The following CNDP2 variants were observed in gnomAD, a reference collection of about 807,000 sequenced individuals.
CNDP2 encodes cytosolic non-specific dipeptidase.
Under a neutral mutation model 55.0 loss-of-function variants are expected in CNDP2, and 38 were observed. The ratio of observed to expected loss-of-function variants is 0.69; its 90% CI spans 0.53 to 0.90. The LOEUF (loss-of-function observed/expected upper bound fraction) is 0.90, where lower values mean the gene tolerates loss of function less well. Ranked by LOEUF, CNDP2 falls within the 40% of genes least tolerant of loss-of-function variation. CNDP2 has a pLI of 0.00. For missense variants in CNDP2, 607 were observed against 621.7 expected, an observed-to-expected ratio of 0.98 and a Z score of 0.25; for synonymous variants, 241 against 260.2, an observed-to-expected ratio of 0.93 and a Z score of 0.71.
At chr18:74,510,388 G>C (rs1979274177) in intron 5 of CNDP2, among the ~76,000 whole-genome samples, 1 of 152,336 alleles carries the variant, frequency 6.6e-6, no homozygotes, top group Non-Finnish European at 1.5e-5. Context: ...ACGGCAAGGT[G>C]GGCACATTCC....
chr18:74,499,802 C>T (rs761213230), intron 1 of CNDP2, 80 bp from the exon 2 acceptor site: 50 of 494,298 alleles, frequency 1.0e-4, no homozygotes, highest in Non-Finnish European at 1.7e-4. Context: ...CTTCCTGGAG[C>T]GTCTCTGGCT....
chr18:74,518,879 G>A (rs1979880550), intron 10 of CNDP2, 70 bp from the exon 11 acceptor site: 1 of 1,597,104 alleles, frequency 6.3e-7, no homozygotes, highest in Non-Finnish European at 8.6e-7. Context: ...CTACTGAGTA[G>A]TGGTCTGAGA....
chr18:74,515,003 C>T (rs1405882659), intron 8 of CNDP2, among the ~76,000 whole-genome samples: 2 of 152,166 alleles, frequency 1.3e-5, no homozygotes, highest in Non-Finnish European at 2.9e-5. Flanking sequence ...TGAGGCTCAT[C>T]AGGGTCCTGT....
At chr18:74,499,208 A>G (rs1978557289) in intron 1 of CNDP2, 1 of 152,170 alleles carries the variant, frequency 6.6e-6, no homozygotes. Context: ...CCAATTATAA[A>G]AGTCCCAATA....
rs1027506260 is a variant in CNDP2, at chr18:74,510,716, A to C, written c.457-97A>C. The stretch of plus-strand genomic sequence containing the variant: ...ACGGAGGCCCATGTGGTCTGTCTGG[A>C]GAATGCCGGAGATGTGAAATATGTA... On this transcript the variant is annotated intron_variant, in intron 5 of 11. Coordinates refer to ENST00000324262, the MANE Select transcript of CNDP2 (RefSeq NM_018235.3). 1.2e-5 allele frequency: 13 copies of C among 1,082,502 alleles called. No homozygotes were observed. In the South Asian group the frequency reaches 1.9e-4, roughly 16 times the overall value. 67.1% of individuals were successfully genotyped at this position (1,082,502 alleles called of 1,614,324 possible).
In CNDP2 at chr18:74,520,041, G is replaced by A. The variant is rs773688755; in HGVS notation, c.1401G>A (p.Leu467=). The change falls in exon 12 of 12, where the codon CTG becomes CTA. Residue 467 remains leucine, a synonymous_variant. Transcript: ENST00000324262. ...GAACCAAGATGCTGGCCGCGTACCT[G>A]TATGAGGTCTCCCAGCTGAAGGACT... ...IEGTKMLAAY[L]YEVSQLKD 2.2e-5 allele frequency: 36 copies of A among 1,614,060 alleles called. No homozygotes were observed. The highest frequency in any genetic ancestry group is 1.6e-4 in the Middle Eastern group (1 of 6,084).
rs146492497 is a variant in CNDP2 at position 74,513,625 on chromosome 18, C to T, written c.809C>T (p.Thr270Met). 57 of 1,614,068 alleles carry T rather than the reference C, an allele frequency of 3.5e-5. No individual in the cohort carries two copies. Among genetic ancestry groups the T allele is most frequent in the Middle Eastern group, 1.6e-4 (1 of 6,062 alleles). ...PGINEAVAAV[T>M]EEEHKLYDDI... ...ATTAACGAGGCCGTGGCCGCCGTCA[C>T]GGAAGAGGAGCACAAGCTGTACGAC... Residue 270 changes from threonine (T) to methionine (M), a missense_variant, in exon 8 of 12, where the codon ACG becomes ATG. Thr to Met is a moderately conservative substitution (Grantham distance 81). Coordinates refer to ENST00000324262, the MANE Select transcript of CNDP2 (RefSeq NM_018235.3).
At chr18:74,510,784 T>C in intron 5 of CNDP2, 29 bp from the exon 6 acceptor site, 1 of 1,589,660 alleles carries the variant, frequency 6.3e-7, no homozygotes, top group East Asian at 2.2e-5. Context: ...CAAAGCTGAA[T>C]ATCCACTCGT....
Position 74,518,545 on chromosome 18 carries a change from A to G in CNDP2, c.1115A>G (p.Asn372Ser), listed in dbSNP as rs761288637. ...TKKFAELRSP[N>S]EFKVYMGHGG... The stretch of plus-strand genomic sequence containing the variant: ...AAGTTTGCTGAACTACGCAGCCCCA[A>G]TGAGTTCAAGGTGTACATGGGCCAC... Residue 372 changes from asparagine to serine, a missense_variant, in exon 10 of 12, where the codon AAT (asparagine) becomes AGT (serine). Physicochemically the swap from Asn to Ser is conservative, Grantham distance 46. Coordinates refer to ENST00000324262, the MANE Select transcript of CNDP2 (RefSeq NM_018235.3). The G allele has an allele frequency of 4.0e-5, 65 of 1,614,052 alleles. No individual in the cohort carries two copies. The highest frequency in any genetic ancestry group is 1.3e-4 in the Admixed American group (8 of 60,006).
rs117577778 is a variant in CNDP2, at chr18:74,521,974, A to G, written c.*1906A>G. ...TCAGCACCCCCAACACCACTCCCTG[A>G]GGAGGACATGCCAGTTCTGGGAACA... On this transcript the variant is annotated 3_prime_UTR_variant, in exon 12 of 12. Coordinates refer to ENST00000324262, the MANE Select transcript of CNDP2 (RefSeq NM_018235.3). 8.7e-3 allele frequency: 1,330 copies of G among 152,410 alleles called. 26 individuals are homozygous for G. Among genetic ancestry groups the G allele is most frequent in the Non-Finnish European group, 7.5e-3 (513 of 68,060 alleles). The allele number at this position is 152,410 out of a possible 1,614,324, so 9.4% of individuals were successfully genotyped here.
chr18:74,504,624 A>G (rs960284954), intron 3 of CNDP2: 1 of 152,302 alleles, frequency 6.6e-6, no homozygotes, highest in African/African-American at 2.4e-5. Context: ...CTGTTAATTT[A>G]ACTTCATTAT....
In CNDP2 at chr18:74,520,873, T is replaced by G. The variant is rs981112957; in HGVS notation, c.*805T>G. 6.6e-6 allele frequency: 1 copy of G among 152,212 alleles called. No individual in the cohort carries two copies. The highest frequency in any genetic ancestry group is 2.4e-5 in the African/African-American group (1 of 41,458). 9.4% of individuals were successfully genotyped at this position (152,212 alleles called of 1,614,324 possible). ...ATTGAATTGGGATAAACAGAGAGCT[T>G]GATGCTTTCTGCCTTCTGTCTCAGG... On this transcript the variant is annotated 3_prime_UTR_variant, in exon 12 of 12. Coordinates refer to ENST00000324262, the MANE Select transcript of CNDP2 (RefSeq NM_018235.3).
chr18:74,498,689 T>TA (rs1447314807), intron 1 of CNDP2, among the ~76,000 whole-genome samples: 23 of 152,316 alleles, frequency 1.5e-4, no homozygotes, highest in Middle Eastern at 6.8e-3. Flanking sequence ...ATGACAGTGT[T>TA]ATTTATTAAC....
chr18:74,516,602 A>C, intron 9 of CNDP2: 1 of 564,074 alleles, frequency 1.8e-6, no homozygotes, highest in South Asian at 2.4e-5. Flanking sequence ...CTGATGAGGC[A>C]GGCCAAAATC....
chr18:74,506,881 C>T (rs760068500), intron 4 of CNDP2, among the ~76,000 whole-genome samples: 3 of 152,194 alleles, frequency 2.0e-5, no homozygotes, highest in Non-Finnish European at 4.4e-5. Flanking sequence ...TGTGCCTGCA[C>T]GGGAGGCTTT....
intron 4 of CNDP2, among the ~76,000 whole-genome samples, chr18:74,506,909 T>C (rs1271630449): frequency 6.6e-6 from 1 of 152,216 alleles, no homozygotes; most frequent in Admixed American, 6.5e-5. Context: ...TGAGGAATCC[T>C]CCCACCCTCA....
At chr18:74,500,607 TA>T (rs1314716877) in intron 2 of CNDP2, among the ~76,000 whole-genome samples, 2 of 152,228 alleles carry the variant, frequency 1.3e-5, no homozygotes, top group Admixed American at 1.3e-4. Flanking sequence ...CCTTAATTGT[TA>T]AAAATAAACC....
intron 9 of CNDP2, chr18:74,516,696 G>A (rs774167403): frequency 1.7e-4 from 45 of 271,342 alleles, no homozygotes; most frequent in Non-Finnish European, 2.8e-4. Flanking sequence ...TCCCAGAGCC[G>A]CCCCTTACCA....
intron 6 of CNDP2, among the ~76,000 whole-genome samples, chr18:74,511,840 C>T (rs1979373968): frequency 6.6e-6 from 1 of 152,198 alleles, no homozygotes; most frequent in African/African-American, 2.4e-5. Flanking sequence ...TAAATTAGGT[C>T]CTGTCTGCAG....
Sources: gnomAD v4.1 joint callset for allele counts (sites outside exome capture counted in the v4.1 genomes callset) on GRCh38, gnomAD v4.1.1 for gene constraint, MANE v1.5 for transcripts, NCBI Gene and HGNC (gene_info 2026-07-23, HGNC 2026-07-21) for gene names.